Variants in TASOR2 observed in about 807,000 individuals in gnomAD.
The protein encoded by TASOR2 is protein TASOR 2.
A neutral mutation model predicts 199.5 loss-of-function variants in TASOR2; 84 were observed. That is an observed-to-expected ratio of 0.42 (90% CI 0.35 to 0.50). The LOEUF is 0.50. Ranked by LOEUF, TASOR2 falls within the 20% of genes least tolerant of loss-of-function variation. The pLI is 0.02. For missense variants in TASOR2, 2,796 were observed against 2,835.9 expected (o/e 0.99, Z 0.32); for synonymous variants, 1,103 against 1,046.6 (o/e 1.05, Z -1.04).
At chr10:5,749,295 C>T (rs756178655) in exon 15 of TASOR2, 1 of 1,614,248 alleles carries the variant, frequency 6.2e-7, no homozygotes. Flanking sequence ...GCCTGCCCAG[C>T]TCCTGGACAA....
exon 15 of TASOR2, chr10:5,746,655 TAAG>T (rs771020249): frequency 3.4e-5 from 55 of 1,613,906 alleles, no homozygotes; most frequent in Non-Finnish European, 4.6e-5. Flanking sequence ...GTACAACCTT[TAAG>T]AAGGAGTTGA....
chr10:5,731,167 T>C (rs200061628), exon 11 of TASOR2: 46 of 1,607,468 alleles, frequency 2.9e-5, no homozygotes, highest in Non-Finnish European at 3.8e-5. Flanking sequence ...AACTCTTAAG[T>C]TAGTTAAAGG....
At position 5,757,643 on chromosome 10, in the gene TASOR2, G is replaced by T; in HGVS notation, c.6856G>T (p.Asp2286Tyr). The change falls in exon 17 of 21, where the codon GAT becomes TAT. Residue 2286 changes from aspartate to tyrosine, a missense_variant. This residue lies in a region of TASOR2 where 1,941 missense variants were observed against 1,924.9 expected (regional missense o/e 1.01). Coordinates refer to ENST00000328090, the Ensembl canonical transcript of TASOR2. ...TCGTGCAGGAGGCTTTGTGATATCA[G>T]ATGACAAGATACTAGAAGCTGTAAC... The T allele has an allele frequency of 1.9e-6, 3 of 1,613,556 alleles. No individual in the cohort carries two copies. The East Asian group carries it at 6.7e-5, about 36-fold the overall frequency.
rs1832834431 is a variant in TASOR2 at position 5,717,744 on chromosome 10, A to G, written c.-106A>G. ...CTGGTTATGTTGTAATTTTTAATAT[A>G]ATTAAGGTAAAGCTTAAATGTGCTG... is the stretch of plus-strand genomic sequence containing the variant. On this transcript the variant is annotated 5_prime_UTR_variant, in exon 3 of 21. It adds an upstream start codon to the 5' untranslated region. Coordinates refer to ENST00000328090, the Ensembl canonical transcript of TASOR2. The G allele has an allele frequency of 1.7e-6, 2 of 1,169,914 alleles. No individual in the cohort carries two copies. The highest frequency in any genetic ancestry group is 1.1e-6 in the Non-Finnish European group (1 of 931,388). The allele number at this position is 1,169,914 out of a possible 1,614,324, so 72.5% of individuals were successfully genotyped here. A position where few individuals can be genotyped will look rare whatever the true frequency, so the allele number is the denominator to read the frequency against.
At chr10:5,703,091 C>G (rs757285727) in intron 1 of TASOR2, among the ~76,000 whole-genome samples, 4 of 152,076 alleles carry the variant, frequency 2.6e-5, no homozygotes, top group Non-Finnish European at 5.9e-5. Context: ...ATGAGCCTTT[C>G]TTGAGGAAAC....
rs1449887445 is a variant in TASOR2, at chr10:5,735,462, C to T, written c.1363C>T (p.Pro455Ser). ...CAAAACTGTTCCAAGGGCTAAGCCA[C>T]CTGTGAAGAAATCTCCACAAAAACA... is the stretch of plus-strand genomic sequence containing the variant. Residue 455 changes from proline (P) to serine (S), a missense_variant, in exon 12 of 21, where the codon CCT becomes TCT. Physicochemically the swap from Pro to Ser is moderately conservative, Grantham distance 74 (BLOSUM62 -1). Transcript: ENST00000328090. The T allele has an allele frequency of 1.9e-6, 3 of 1,613,918 alleles. No individual in the cohort carries two copies. In the African/African-American group the frequency reaches 4.0e-5, roughly 22 times the overall value.
chr10:5,729,500 A>C (rs1834509433), intron 10 of TASOR2, among the ~76,000 whole-genome samples: 1 of 152,248 alleles, frequency 6.6e-6, no homozygotes, highest in East Asian at 1.9e-4. Context: ...CACTCGTTCA[A>C]GACCAGCCTG....
rs374429535 is a variant in TASOR2 at position 5,748,870 on chromosome 10, G to A, written c.5449G>A (p.Gly1817Ser). The change falls in exon 15 of 21, where the codon GGT becomes AGT. Residue 1817 changes from glycine to serine, a missense_variant. Gly to Ser is a moderately conservative substitution (Grantham distance 56, BLOSUM62 0). Coordinates refer to ENST00000328090, the Ensembl canonical transcript of TASOR2. The surrounding 1 kb of genome is among the most constrained non-coding windows in gnomAD (Gnocchi z 5.1). ...AACCCTAGGCAGAGATGGAGAGGTCGGTGTGAATTCCGACATGCACTATGA... is the reference window on the plus strand; with the variant it reads ...AACCCTAGGCAGAGATGGAGAGGTCAGTGTGAATTCCGACATGCACTATGA... 1.9e-6 allele frequency: 3 copies of A among 1,614,130 alleles called. No individual in the cohort carries two copies. The highest frequency in any genetic ancestry group is 2.2e-5 in the South Asian group (2 of 91,086).
intron 18 of TASOR2, chr10:5,760,920 C>T (rs771438168): frequency 7.7e-5 from 12 of 156,556 alleles, no homozygotes; most frequent in East Asian, 1.9e-4. Flanking sequence ...TGGCTGCTAC[C>T]TAATTTTAAT....
chr10:5,739,603 TC>T lies in TASOR2; in HGVS notation c.1448-14del. ...CAAGCAAACATCTCTCTTTTTTTTT[TC>T]TTTTATACTGAAGTCAAAGGAGAAA... is the stretch of plus-strand genomic sequence containing the variant. On this transcript the variant is annotated splice_polypyrimidine_tract_variant and intron_variant, in intron 12 of 20. Coordinates refer to ENST00000328090, the Ensembl canonical transcript of TASOR2. The T allele has an allele frequency of 8.2e-6, 13 of 1,585,122 alleles. No homozygotes were observed. The highest frequency in any genetic ancestry group is 1.8e-5 in the Admixed American group (1 of 54,150).
Position 5,709,623 on chromosome 10 carries a change from T to C in TASOR2, c.-287-3200T>C. ...TAAGACCACCCTCCCAGCTACATTCTCTCTTAGAGAAGATCGAGACAGGGT... is the reference window on the plus strand; with the variant it reads ...TAAGACCACCCTCCCAGCTACATTCCCTCTTAGAGAAGATCGAGACAGGGT... On this transcript the variant is annotated intron_variant, in intron 1 of 20. Coordinates refer to ENST00000328090, the Ensembl canonical transcript of TASOR2. The C allele has an allele frequency of 3.2e-6, 4 of 1,231,148 alleles. No homozygotes were observed. The South Asian group carries it at 1.6e-4, about 51-fold the overall frequency. The allele number at this position is 1,231,148 out of a possible 1,614,324, so 76.3% of individuals were successfully genotyped here.
chr10:5,700,972 T>C (rs1441740108), intron 1 of TASOR2, among the ~76,000 whole-genome samples: 1 of 9,554 alleles, frequency 1.0e-4, no homozygotes, highest in East Asian at 7.9e-4. Context: ...GTGCAGAAGC[T>C]TTTTTTTTAG....
At chr10:5,762,168 CAGA>C (rs1280104441) in intron 19 of TASOR2, among the ~76,000 whole-genome samples, 3 of 149,574 alleles carry the variant, frequency 2.0e-5, no homozygotes, top group Admixed American at 6.7e-5. Context: ...TGGGTTAAGG[CAGA>C]AGGATTGCTC....
At position 5,752,059 on chromosome 10, in the gene TASOR2, T is replaced by A. The variant is rs1838119969; in HGVS notation, c.6606+2032T>A. Among the ~76,000 whole-genome samples, 2 of 151,524 alleles carry A rather than the reference T, an allele frequency of 1.3e-5. No individual in the cohort carries two copies. The highest frequency in any genetic ancestry group is 2.0e-4 in the East Asian group (1 of 5,106). On this transcript the variant is annotated intron_variant, in intron 15 of 20. Coordinates refer to ENST00000328090, the Ensembl canonical transcript of TASOR2. The surrounding 1 kb of genome is among the most constrained non-coding windows in gnomAD (Gnocchi z 4.4). ...CCTCACTGAGGCACTAATCCTGACC[T>A]CCCGAAACTCCCTGACCTGAGCGCG...
At chr10:5,718,535 G>A (rs10905029) in intron 3 of TASOR2, among the ~76,000 whole-genome samples, 128,490 of 151,576 alleles carry the variant, frequency 0.85, 54,543 homozygotes, top group African/African-American at 0.87. Flanking sequence ...ATCACCTGAG[G>A]TCAGGAGTTT....
In TASOR2 at chr10:5,712,484, A is replaced by C. The variant is rs944428397; in HGVS notation, c.-287-339A>C. 3.2e-6 allele frequency: 4 copies of C among 1,231,740 alleles called. No homozygotes were observed. The Admixed American group carries it at 1.7e-4, about 52-fold the overall frequency. 76.3% of individuals were successfully genotyped at this position (1,231,740 alleles called of 1,614,324 possible). On this transcript the variant is annotated intron_variant, in intron 1 of 20. Transcript: ENST00000328090. ...TCTTACTTGGACTCTTCATCTGAGC[A>C]TGGTTTTCAGTACAGTCAAGTGACT...
At chr10:5,733,626 A>G (rs1347966215) in intron 11 of TASOR2, among the ~76,000 whole-genome samples, 5 of 152,258 alleles carry the variant, frequency 3.3e-5, no homozygotes, top group Admixed American at 2.0e-4. Context: ...TCTATGCAGG[A>G]TCACTTTGTT....
Position 5,699,460 on chromosome 10 carries a change from T to C in TASOR2, c.-287-13363T>C, listed in dbSNP as rs1319564582. 3 of 152,176 alleles carry C rather than the reference T, an allele frequency of 2.0e-5. No homozygotes were observed. Among genetic ancestry groups the C allele is most frequent in the Admixed American group, 6.5e-5 (1 of 15,276 alleles). The allele number at this position is 152,176 out of a possible 1,614,324, so 9.4% of individuals were successfully genotyped here. A position where few individuals can be genotyped will look rare whatever the true frequency, so the allele number is the denominator to read the frequency against. On this transcript the variant is annotated intron_variant, in intron 1 of 20. Coordinates refer to ENST00000328090, the Ensembl canonical transcript of TASOR2. This position sits in a 1 kb window ranked among gnomAD's most constrained non-coding sequence, Gnocchi z 4.1. ...AATTCTGTGGATATACTAAAAGCAA[T>C]TGAATTGTACACTTTATGTGGGTGA...
Position 5,740,879 on chromosome 10 carries a change from G to A in TASOR2, c.2327+382G>A, listed in dbSNP as rs1384131561. Reference sequence around the variant, plus strand: ...CAGAAGAAACATTTTAAAAATCACTGTAGCTTGGTAAATTGGTCAGATTGA... The same window carrying A: ...CAGAAGAAACATTTTAAAAATCACTATAGCTTGGTAAATTGGTCAGATTGA... On this transcript the variant is annotated intron_variant, in intron 13 of 20. Coordinates refer to ENST00000328090, the Ensembl canonical transcript of TASOR2. This position sits in a 1 kb window ranked among gnomAD's most constrained non-coding sequence, Gnocchi z 5.3. Among the ~76,000 whole-genome samples the A allele has an allele frequency of 1.3e-5, 2 of 152,190 alleles. No homozygotes were observed. Among genetic ancestry groups the A allele is most frequent in the Non-Finnish European group, 2.9e-5 (2 of 68,032 alleles).
Sources: allele counts gnomAD v4.1 joint callset (sites outside exome capture counted in the v4.1 genomes callset), GRCh38; gene constraint gnomAD v4.1.1; regional missense constraint gnomAD v4.1.1; non-coding constraint Gnocchi (gnomAD v3.1); transcripts MANE v1.5; gene names NCBI Gene and HGNC (gene_info 2026-07-23, HGNC 2026-07-21).